TENM3: variants seen among roughly 807,000 people sequenced by gnomAD.
TENM3 encodes the protein teneurin transmembrane protein 3.
A neutral mutation model predicts 255.1 loss-of-function variants in TENM3; 63 were observed. The observed-to-expected ratio is 0.25, with a 90% CI of 0.20 to 0.30. TENM3 has a LOEUF of 0.30. TENM3 is among the 10% of genes least tolerant of loss of function. The pLI, the probability that TENM3 is intolerant of heterozygous loss-of-function variation, is 1.00. For synonymous variants in TENM3, 1,306 were observed against 1,322.3 expected (o/e 0.99, Z 0.27); for missense variants, 2,929 against 3,461.1 (o/e 0.85, Z 3.86).
chr4:181,713,782 GA>G, the TENM3 span, among the ~76,000 whole-genome samples: 2 of 151,680 alleles, frequency 1.3e-5, no homozygotes, highest in South Asian at 2.1e-4. Flanking sequence ...AATTCTCACA[GA>G]AAAAAAACCC....
chr4:182,269,304 C>T (rs1258957619), intron 1 of TENM3, among the ~76,000 whole-genome samples: 1 of 152,094 alleles, frequency 6.6e-6, no homozygotes, highest in Non-Finnish European at 1.5e-5. Flanking sequence ...GAAAGGGATT[C>T]AGATGTCTGC....
intron 19 of TENM3, among the ~76,000 whole-genome samples, chr4:182,745,267 T>C (rs1310066806): frequency 6.6e-6 from 1 of 152,214 alleles, no homozygotes; most frequent in African/African-American, 2.4e-5. Flanking sequence ...GATCTTAAAC[T>C]TGCAGCTAAT....
the TENM3 span, among the ~76,000 whole-genome samples, chr4:182,131,588 G>A: frequency 1.3e-5 from 2 of 152,154 alleles, no homozygotes; most frequent in African/African-American, 2.4e-5. Flanking sequence ...AATGCTGCCT[G>A]TAGGAAGAGT....
chr4:182,160,972 C>A (rs1751109780), intron 1 of TENM3, among the ~76,000 whole-genome samples: 1 of 152,034 alleles, frequency 6.6e-6, no homozygotes, highest in African/African-American at 2.4e-5. Flanking sequence ...AAAATATAAT[C>A]TAAAAATATT....
chr4:182,417,415 G>A (rs72699980), intron 3 of TENM3, among the ~76,000 whole-genome samples: 12,176 of 152,090 alleles, frequency 0.08, 771 homozygotes, highest in East Asian at 0.21. Flanking sequence ...TAATACCATT[G>A]TAGCAAAAAG....
At chr4:182,043,420 A>T in the TENM3 span, among the ~76,000 whole-genome samples, 2 of 152,186 alleles carry the variant, frequency 1.3e-5, no homozygotes, top group Non-Finnish European at 2.9e-5. Flanking sequence ...TATATTTTGT[A>T]CAACTGCCTG....
the TENM3 span, among the ~76,000 whole-genome samples, chr4:181,965,545 T>C: frequency 1.3e-5 from 2 of 152,152 alleles, no homozygotes; most frequent in African/African-American, 4.8e-5. Flanking sequence ...TCCCATTTGT[T>C]TGCTTGTTTT....
the TENM3 span, among the ~76,000 whole-genome samples, chr4:181,861,306 A>C: frequency 6.6e-6 from 1 of 152,188 alleles, no homozygotes; most frequent in East Asian, 1.9e-4. Context: ...TCCATGAAAG[A>C]AGGTGGAATA....
chr4:182,705,427 A>C (rs909249198), intron 12 of TENM3, among the ~76,000 whole-genome samples: 6 of 152,206 alleles, frequency 3.9e-5, no homozygotes, highest in African/African-American at 1.4e-4. Context: ...CGAGGATTCA[A>C]GCCAGTAGCC....
the TENM3 span, among the ~76,000 whole-genome samples, chr4:182,042,420 C>A: frequency 0.018 from 2,798 of 152,010 alleles, 95 homozygotes; most frequent in African/African-American, 0.065. Flanking sequence ...TAAGTGTCCC[C>A]CTCAGGATGA....
intron 5 of TENM3, among the ~76,000 whole-genome samples, chr4:182,638,367 C>T (rs1239265050): frequency 6.6e-6 from 1 of 152,168 alleles, no homozygotes; most frequent in Non-Finnish European, 1.5e-5. Context: ...CTGTATCCTA[C>T]ATCGCAAAAG....
the TENM3 span, among the ~76,000 whole-genome samples, chr4:181,710,704 G>C: frequency 4.6e-5 from 7 of 152,016 alleles, no homozygotes; most frequent in Non-Finnish European, 1.0e-4. Flanking sequence ...CCTGGCAACA[G>C]AGTGAGACTC....
the TENM3 span, among the ~76,000 whole-genome samples, chr4:181,926,425 C>A: frequency 6.6e-6 from 1 of 152,076 alleles, no homozygotes; most frequent in Non-Finnish European, 1.5e-5. Flanking sequence ...GGGGATATGT[C>A]CAGCAACCCA....
At chr4:182,494,624 T>A (rs1399155515) in intron 3 of TENM3, among the ~76,000 whole-genome samples, 1 of 152,186 alleles carries the variant, frequency 6.6e-6, no homozygotes, top group Non-Finnish European at 1.5e-5. Flanking sequence ...TCATGCAGAA[T>A]TGATGTTTCT....
chr4:181,895,321 G>A, the TENM3 span, among the ~76,000 whole-genome samples: 54 of 151,848 alleles, frequency 3.6e-4, 1 homozygote, highest in Non-Finnish European at 5.9e-4. Flanking sequence ...GGCTTAGGTC[G>A]TTCCATGAGG....
chr4:181,556,443 CT>C, the TENM3 span, among the ~76,000 whole-genome samples: 1 of 152,000 alleles, frequency 6.6e-6, no homozygotes, highest in Non-Finnish European at 1.5e-5. Context: ...AATTTATAAA[CT>C]TTAATTAACA....
chr4:182,710,000 G>A (rs1489032186), intron 12 of TENM3, among the ~76,000 whole-genome samples: 1 of 152,086 alleles, frequency 6.6e-6, no homozygotes, highest in Non-Finnish European at 1.5e-5. Context: ...TCAATCTACA[G>A]CTTTGCATAA....
rs377393105 is a variant in TENM3 at position 182,681,822 on chromosome 4, A to G, written c.1843A>G (p.Ile615Val). ...KGESCEEADC[I>V]DPGCSNHGVC... ...TCTTTTCTTTACACCAGCTGACTGTATAGACCCTGGGTGTTCTAATCATGG... is the reference window on the plus strand; with the variant it reads ...TCTTTTCTTTACACCAGCTGACTGTGTAGACCCTGGGTGTTCTAATCATGG... The change falls in exon 11 of 28, where the codon ATA becomes GTA. Residue 615 changes from isoleucine to valine, a missense_variant. Ile to Val is a conservative substitution (Grantham distance 29). This residue lies in a region of TENM3 where 1,608 missense variants were observed against 1,884.4 expected (regional missense o/e 0.85). Coordinates refer to ENST00000511685, the MANE Select transcript of TENM3 (RefSeq NM_001080477.4). 3 of 1,612,998 alleles carry G rather than the reference A, an allele frequency of 1.9e-6. No individual in the cohort carries two copies. The highest frequency in any genetic ancestry group is 1.7e-5 in the Admixed American group (1 of 59,948).
At chr4:182,104,069 AT>A in the TENM3 span, among the ~76,000 whole-genome samples, 2 of 152,302 alleles carry the variant, frequency 1.3e-5, no homozygotes, top group East Asian at 3.9e-4. Flanking sequence ...GCTGGTAAAT[AT>A]TTAACACCCA....
Sources: allele counts gnomAD v4.1 joint callset (sites outside exome capture counted in the v4.1 genomes callset), GRCh38; gene constraint gnomAD v4.1.1; regional missense constraint gnomAD v4.1.1; transcripts MANE v1.5; gene names NCBI Gene and HGNC (gene_info 2026-07-23, HGNC 2026-07-21).